FLT1: variants seen among roughly 807,000 people sequenced by gnomAD.
FLT1 encodes vascular endothelial growth factor receptor 1.
FLT1 carries 49 observed loss-of-function variants against 156.3 expected under a neutral mutation model. That is an observed-to-expected ratio of 0.31 (90% CI 0.25 to 0.40). The LOEUF is 0.40. Among genes scored for constraint, FLT1 ranks in the 10% least tolerant of loss-of-function variants. The probability of loss-of-function intolerance (pLI) is 1.00; values close to 1 mark genes in which losing one functional copy is unlikely to be tolerated. For synonymous variants in FLT1, 594 were observed against 583.8 expected (o/e 1.02, Z -0.25); for missense variants, 1,322 against 1,637.2 (o/e 0.81, Z 3.32).
chr13:28,329,466 G>A (rs1050517338), intron 19 of FLT1, 149 bp downstream of exon 19: 6 of 686,286 alleles, frequency 8.7e-6, no homozygotes, highest in Non-Finnish European at 1.6e-5. Flanking sequence ...TTCTGTAGAT[G>A]CACAAGCTGT....
chr13:28,343,891 C>A (rs1872452484), intron 16 of FLT1, among the ~76,000 whole-genome samples: 1 of 152,102 alleles, frequency 6.6e-6, no homozygotes, highest in African/African-American at 2.4e-5. Context: ...ATCCACCTGC[C>A]TCAGCCTCCC....
At chr13:28,366,186 C>A (rs1457271317) in intron 14 of FLT1, among the ~76,000 whole-genome samples, 2 of 151,994 alleles carry the variant, frequency 1.3e-5, no homozygotes, top group Non-Finnish European at 2.9e-5. Flanking sequence ...ACTGTGAAGG[C>A]CAATAAAAAC....
At position 28,303,233 on chromosome 13, in the gene FLT1, T is replaced by C; in HGVS notation, c.3951A>G (p.Lys1317=). The C allele has an allele frequency of 6.2e-7, 1 of 1,613,698 alleles. No homozygotes were observed. Among genetic ancestry groups the C allele is most frequent in the Non-Finnish European group, 8.5e-7 (1 of 1,179,956 alleles). ...CTGGGGGCGGGGAGCAGCACGCGATTTTCCTTTCCAGCTCAGCGTGGTCGT... is the reference window on the plus strand; with the variant it reads ...CTGGGGGCGGGGAGCAGCACGCGATCTTCCTTTCCAGCTCAGCGTGGTCGT... ...FTYDHAELER[K]IACCSPPPDY... is the part of the protein sequence containing the mutation. Residue 1317 remains lysine, a synonymous_variant, in exon 30 of 30, where the codon AAA becomes AAG. Transcript: ENST00000282397.
chr13:28,455,915 T>C (rs953549788), intron 3 of FLT1, among the ~76,000 whole-genome samples: 2 of 152,118 alleles, frequency 1.3e-5, no homozygotes, highest in Admixed American at 6.5e-5. Context: ...AAAATAACAA[T>C]GAGAGACCAT....
At chr13:28,436,111 A>G (rs1426087760) in intron 4 of FLT1, among the ~76,000 whole-genome samples, 1 of 152,202 alleles carries the variant, frequency 6.6e-6, no homozygotes, top group Non-Finnish European at 1.5e-5. Flanking sequence ...GTAGCATTCC[A>G]TTGACAAAGT....
At chr13:28,347,815 G>A (rs2138861828) in intron 15 of FLT1, among the ~76,000 whole-genome samples, 1 of 152,304 alleles carries the variant, frequency 6.6e-6, no homozygotes, top group South Asian at 2.1e-4. Context: ...CTACAAGCTA[G>A]ATTATTCCCA....
intron 15 of FLT1, among the ~76,000 whole-genome samples, chr13:28,349,131 T>G (rs1198546950): frequency 6.6e-6 from 1 of 152,198 alleles, no homozygotes; most frequent in Non-Finnish European, 1.5e-5. Flanking sequence ...AGGGCTATGG[T>G]CCTCTTCTTC....
At chr13:28,419,653 A>G (rs8002162) in intron 10 of FLT1, among the ~76,000 whole-genome samples, 145,268 of 152,312 alleles carry the variant, frequency 0.95, 69,513 homozygotes, top group East Asian at 1. Context: ...GCCGAGGCGG[A>G]TGGATCACGA....
At chr13:28,375,131 A>G (rs1179971085) in intron 14 of FLT1, among the ~76,000 whole-genome samples, 3 of 152,232 alleles carry the variant, frequency 2.0e-5, no homozygotes, top group Non-Finnish European at 4.4e-5. Flanking sequence ...ATGTGTGTGT[A>G]TACCTATGCA....
At chr13:28,428,240 T>C (rs188159904) in intron 8 of FLT1, among the ~76,000 whole-genome samples, 345 of 152,260 alleles carry the variant, frequency 2.3e-3, no homozygotes, top group African/African-American at 7.9e-3. Flanking sequence ...TCTGATTCCA[T>C]CCGAGATGTT....
intron 10 of FLT1, among the ~76,000 whole-genome samples, chr13:28,425,563 T>C (rs1593778165): frequency 6.6e-6 from 1 of 152,210 alleles, no homozygotes; most frequent in East Asian, 1.9e-4. Flanking sequence ...TCTATCACCA[T>C]AATTGTTATT....
chr13:28,365,659 A>C (rs1293358921), intron 14 of FLT1, among the ~76,000 whole-genome samples: 1 of 152,130 alleles, frequency 6.6e-6, no homozygotes, highest in Admixed American at 6.6e-5. Context: ...GCCAGAACTC[A>C]CTTATAAACA....
At position 28,339,204 on chromosome 13, in the gene FLT1, T is replaced by G; in HGVS notation, c.2452A>C (p.Ser818Arg). The change falls in exon 17 of 30, where the codon AGC becomes CGC. Residue 818 changes from serine to arginine, a missense_variant. Ser to Arg is a moderately radical substitution (Grantham distance 110). This residue lies in a region of FLT1 where 991 missense variants were observed against 1,254.8 expected (regional missense o/e 0.79). Transcript: ENST00000282397. ...CTCTCCCGGGCAAACTCCCACTTGCTGGCATCATAAGGGAGCCGCTCACAC... is the reference window on the plus strand; with the variant it reads ...CTCTCCCGGGCAAACTCCCACTTGCGGGCATCATAAGGGAGCCGCTCACAC... Reference protein sequence around the residue: ...EQCERLPYDASKWEFARERLK... With the variant: ...EQCERLPYDARKWEFARERLK... 1.2e-6 allele frequency: 2 copies of G among 1,614,208 alleles called. No individual in the cohort carries two copies. Among genetic ancestry groups the G allele is most frequent in the Non-Finnish European group, 1.7e-6 (2 of 1,180,022 alleles).
At chr13:28,349,398 A>G (rs959086643) in intron 15 of FLT1, among the ~76,000 whole-genome samples, 3 of 151,956 alleles carry the variant, frequency 2.0e-5, no homozygotes, top group Middle Eastern at 3.4e-3. Context: ...CTCCACAGTG[A>G]CAGTGAGGTT....
intron 13 of FLT1, chr13:28,388,245 C>T: frequency 3.8e-6 from 4 of 1,057,324 alleles, no homozygotes; most frequent in Non-Finnish European, 4.6e-6. Flanking sequence ...ATAAAACTGG[C>T]ATTCTGGGGA....
chr13:28,340,772 A>G (rs1396855488), intron 16 of FLT1, among the ~76,000 whole-genome samples: 1 of 152,178 alleles, frequency 6.6e-6, no homozygotes, highest in African/African-American at 2.4e-5. Flanking sequence ...CACAAAAATT[A>G]TCACTAAAAT....
chr13:28,390,136 CA>C, intron 12 of FLT1, 32 bp from the exon 13 acceptor site: 1 of 1,603,606 alleles, frequency 6.2e-7, no homozygotes, highest in African/African-American at 1.3e-5. Flanking sequence ...CTTCAGTTCA[CA>C]GAAAAATCAG....
intron 16 of FLT1, among the ~76,000 whole-genome samples, chr13:28,343,426 A>C (rs1007832853): frequency 2.7e-5 from 4 of 150,016 alleles, no homozygotes; most frequent in African/African-American, 4.9e-5. Flanking sequence ...CAGTCTCCCC[A>C]GTAGCTGAGA....
intron 14 of FLT1, among the ~76,000 whole-genome samples, chr13:28,379,309 G>A (rs1873976716): frequency 6.6e-6 from 1 of 152,162 alleles, no homozygotes; most frequent in South Asian, 2.1e-4. Context: ...ACTCCAGCTT[G>A]AGCGACAGCG....
Sources: allele counts gnomAD v4.1 joint callset (sites outside exome capture counted in the v4.1 genomes callset), GRCh38; gene constraint gnomAD v4.1.1; regional missense constraint gnomAD v4.1.1; transcripts MANE v1.5; gene names NCBI Gene and HGNC (gene_info 2026-07-23, HGNC 2026-07-21).